The following RIT2 variants were observed in gnomAD, a reference collection of about 807,000 sequenced individuals.
RIT2 encodes the protein GTP-binding protein Rit2.
A neutral mutation model predicts 23.7 loss-of-function variants in RIT2; 24 were observed. The observed-to-expected ratio is 1.01, with a 90% CI of 0.73 to 1.43. RIT2 has a LOEUF of 1.43. Ranked by LOEUF, RIT2 falls within the 40% of genes most tolerant of loss-of-function variation. The probability of loss-of-function intolerance (pLI) is 0.00; values close to 1 mark genes in which losing one functional copy is unlikely to be tolerated. For synonymous variants in RIT2, 107 were observed against 91.1 expected, an observed-to-expected ratio of 1.17 and a Z score of -0.99; for missense variants, 236 against 266.9, an observed-to-expected ratio of 0.88 and a Z score of 0.81.
At chr18:42,777,272 CAT>C (rs1913694181) in intron 4 of RIT2, among the ~76,000 whole-genome samples, 1 of 122,462 alleles carries the variant, frequency 8.2e-6, no homozygotes, top group African/African-American at 2.9e-5. Flanking sequence ...ATTGGAAACA[CAT>C]GTCTGGACTT....
At chr18:42,910,839 GAGAA>G (rs1366036509) in intron 4 of RIT2, among the ~76,000 whole-genome samples, 1 of 152,090 alleles carries the variant, frequency 6.6e-6, no homozygotes, top group Non-Finnish European at 1.5e-5. Context: ...AGAGCAGAAT[GAGAA>G]AGAAATCCGT....
At chr18:42,993,846 C>T (rs564998297) in intron 2 of RIT2, among the ~76,000 whole-genome samples, 1 of 152,196 alleles carries the variant, frequency 6.6e-6, no homozygotes, top group East Asian at 1.9e-4. Flanking sequence ...CCTAATTGTC[C>T]TTACCCCACT....
chr18:42,885,502 C>T (rs953940233), intron 4 of RIT2, among the ~76,000 whole-genome samples: 4 of 152,228 alleles, frequency 2.6e-5, no homozygotes, highest in Admixed American at 1.3e-4. Flanking sequence ...AGGAGAATGG[C>T]GTGAACCTGG....
intron 4 of RIT2, among the ~76,000 whole-genome samples, chr18:42,868,130 G>T (rs772323366): frequency 6.6e-6 from 1 of 152,108 alleles, no homozygotes; most frequent in Non-Finnish European, 1.5e-5. Context: ...TTTTCCACAC[G>T]TGCATATTTT....
In RIT2 at chr18:43,111,356, G is replaced by A. The variant is rs562192189; in HGVS notation, c.103+4061C>T. On this transcript the variant is annotated intron_variant, in intron 1 of 4. Coordinates refer to ENST00000326695, the MANE Select transcript of RIT2 (RefSeq NM_002930.4). The stretch of plus-strand genomic sequence containing the variant: ...AATGGGTACAAAATTGTGGTTAGAT[G>A]GAATGAATAAGATCTAACATTTGAT... Among the ~76,000 whole-genome samples, 24 of 152,102 alleles carry A rather than the reference G, an allele frequency of 1.6e-4. 1 individual carries two copies. The South Asian group carries it at 4.6e-3, about 29-fold the overall frequency.
chr18:42,902,765 A>T (rs543117980), intron 4 of RIT2, among the ~76,000 whole-genome samples: 69 of 151,850 alleles, frequency 4.5e-4, no homozygotes, highest in Admixed American at 7.9e-4. Context: ...TAAAAAAGAA[A>T]CAAGGAATTG....
intron 4 of RIT2, among the ~76,000 whole-genome samples, chr18:42,800,178 A>C (rs1905486457): frequency 6.6e-6 from 1 of 152,190 alleles, no homozygotes; most frequent in African/African-American, 2.4e-5. Flanking sequence ...CATCCTGTGA[A>C]TAGGACTACA....
At chr18:43,030,653 A>G (rs916968972) in intron 2 of RIT2, among the ~76,000 whole-genome samples, 8 of 152,100 alleles carry the variant, frequency 5.3e-5, no homozygotes, top group Non-Finnish European at 8.8e-5. Flanking sequence ...TGTGGCTTAG[A>G]AAAAGATGAC....
intron 1 of RIT2, among the ~76,000 whole-genome samples, chr18:43,044,761 C>T (rs1401587786): frequency 6.6e-6 from 1 of 152,168 alleles, no homozygotes; most frequent in Non-Finnish European, 1.5e-5. Context: ...TTCAACTAAG[C>T]AGCTGGATGA....
intron 1 of RIT2, among the ~76,000 whole-genome samples, chr18:43,092,130 C>T (rs1913437120): frequency 6.6e-6 from 1 of 152,116 alleles, no homozygotes; most frequent in South Asian, 2.1e-4. Flanking sequence ...GGACCTCTAC[C>T]ACCTTGGAAA....
chr18:43,006,112 A>G (rs947725868), intron 2 of RIT2, among the ~76,000 whole-genome samples: 1 of 151,824 alleles, frequency 6.6e-6, no homozygotes, highest in African/African-American at 2.4e-5. Context: ...AGATAAAAGT[A>G]GGGGAAGAGA....
intron 4 of RIT2, among the ~76,000 whole-genome samples, chr18:42,827,938 G>A (rs1906345732): frequency 6.8e-6 from 1 of 147,686 alleles, no homozygotes; most frequent in South Asian, 2.1e-4. Flanking sequence ...CCGGGAGGCG[G>A]AGCTTGCAGT....
chr18:42,798,154 G>C (rs929840360), intron 4 of RIT2, among the ~76,000 whole-genome samples: 15 of 152,160 alleles, frequency 9.9e-5, no homozygotes, highest in African/African-American at 3.4e-4. Context: ...TATATGCGTT[G>C]AGATTGTGGT....
At chr18:42,779,071 A>G (rs971594529) in intron 4 of RIT2, among the ~76,000 whole-genome samples, 15 of 152,198 alleles carry the variant, frequency 9.9e-5, no homozygotes, top group African/African-American at 3.6e-4. Flanking sequence ...TCCAAAAAAT[A>G]AATTTAGTGA....
intron 4 of RIT2, among the ~76,000 whole-genome samples, chr18:42,793,875 G>A (rs1447821839): frequency 6.6e-6 from 1 of 152,146 alleles, no homozygotes; most frequent in African/African-American, 2.4e-5. Context: ...TGGGTATCAA[G>A]ATTAACCAAA....
At chr18:42,934,777 T>A (rs1276829071) in intron 3 of RIT2, among the ~76,000 whole-genome samples, 1 of 152,212 alleles carries the variant, frequency 6.6e-6, no homozygotes, top group Non-Finnish European at 1.5e-5. Flanking sequence ...AATGCTTTTC[T>A]TAAACCCTTT....
chr18:42,924,073 T>C (rs1165405288), intron 3 of RIT2, among the ~76,000 whole-genome samples: 1 of 152,076 alleles, frequency 6.6e-6, no homozygotes, highest in African/African-American at 2.4e-5. Context: ...ATTCTTTAAA[T>C]TACATATTTC....
intron 4 of RIT2, among the ~76,000 whole-genome samples, chr18:42,860,301 ATGGAAC>A (rs1432215587): frequency 3.3e-5 from 5 of 152,208 alleles, no homozygotes; most frequent in African/African-American, 1.2e-4. Context: ...TTTTAAGACC[ATGGAAC>A]TGAGAAGAAG....
intron 4 of RIT2, among the ~76,000 whole-genome samples, chr18:42,875,921 C>A (rs1439223852): frequency 6.6e-6 from 1 of 151,886 alleles, no homozygotes; most frequent in Non-Finnish European, 1.5e-5. Context: ...AGGATTTAAC[C>A]TTAGATAATG....
Sources: allele counts gnomAD v4.1 joint callset (sites outside exome capture counted in the v4.1 genomes callset), GRCh38; gene constraint gnomAD v4.1.1; transcripts MANE v1.5; gene names NCBI Gene and HGNC (gene_info 2026-07-23, HGNC 2026-07-21).